The following KCNN2 variants were observed in gnomAD, a reference collection of about 807,000 sequenced individuals.
The protein encoded by KCNN2 is small conductance calcium-activated potassium channel protein 2.
KCNN2 carries 24 observed loss-of-function variants against 55.5 expected under a neutral mutation model. The observed-to-expected ratio is 0.43, with a 90% CI of 0.31 to 0.61. The LOEUF is 0.61. Among genes scored for constraint, KCNN2 ranks in the 20% least tolerant of loss-of-function variants. KCNN2 has a pLI of 0.08. For synonymous variants in KCNN2, 431 were observed against 336.1 expected (o/e 1.28, Z -3.09); for missense variants, 754 against 853.6 (o/e 0.88, Z 1.45).
At chr5:114,168,174 T>TACAC (rs10654082) in intron 1 of KCNN2, among the ~76,000 whole-genome samples, 13,987 of 148,530 alleles carry the variant, frequency 0.094, 653 homozygotes, top group Non-Finnish European at 0.098. Flanking sequence ...TGGATATATA[T>TACAC]ACACACACAC....
chr5:114,288,535 C>CACACACACAT (rs1248194806), intron 2 of KCNN2, among the ~76,000 whole-genome samples: 2 of 150,812 alleles, frequency 1.3e-5, no homozygotes, highest in African/African-American at 4.9e-5. Flanking sequence ...CACACATACA[C>CACACACACAT]ATAGATAATA....
intron 1 of KCNN2, among the ~76,000 whole-genome samples, chr5:114,134,458 G>GATTGATTC (rs1452509272): frequency 7.3e-6 from 1 of 137,364 alleles, no homozygotes; most frequent in Non-Finnish European, 1.5e-5. Flanking sequence ...ATCCAACCAT[G>GATTGATTC]ATTTATTTAT....
At chr5:114,354,523 A>G (rs1435667389) in intron 2 of KCNN2, among the ~76,000 whole-genome samples, 1 of 152,092 alleles carries the variant, frequency 6.6e-6, no homozygotes, top group Non-Finnish European at 1.5e-5. Flanking sequence ...GCCAATACAT[A>G]TGAAGGAGGA....
At chr5:114,272,850 T>A (rs1561549399) in intron 2 of KCNN2, among the ~76,000 whole-genome samples, 2 of 152,148 alleles carry the variant, frequency 1.3e-5, no homozygotes, top group African/African-American at 4.8e-5. Context: ...CTTGTCTCAT[T>A]CTTTCCAACA....
chr5:114,403,275 C>G (rs907674016), intron 2 of KCNN2, among the ~76,000 whole-genome samples: 1 of 152,122 alleles, frequency 6.6e-6, no homozygotes, highest in African/African-American at 2.4e-5. Flanking sequence ...CCGGGTCATT[C>G]AGGGTCAAGT....
upstream of KCNN2, among the ~76,000 whole-genome samples, chr5:114,361,571 G>A (rs1427715708): frequency 2.6e-5 from 4 of 152,200 alleles, no homozygotes. Flanking sequence ...CGTGGGACGA[G>A]GGGGCTGCTG....
intron 2 of KCNN2, among the ~76,000 whole-genome samples, chr5:114,376,247 A>C (rs1757941185): frequency 6.6e-6 from 1 of 152,124 alleles, no homozygotes; most frequent in South Asian, 2.1e-4. Context: ...AAGTAGCCAC[A>C]GAAGGAAAGG....
chr5:114,473,777 A>G (rs1252790137), intron 5 of KCNN2, among the ~76,000 whole-genome samples: 3 of 152,320 alleles, frequency 2.0e-5, no homozygotes, highest in African/African-American at 4.8e-5. Context: ...TGCCATGTGT[A>G]TAAACTCACT....
chr5:114,150,252 A>G (rs371931552), intron 1 of KCNN2, among the ~76,000 whole-genome samples: 1 of 152,288 alleles, frequency 6.6e-6, no homozygotes, highest in South Asian at 2.1e-4. Flanking sequence ...AAACTATACT[A>G]CAAGGCTACA....
chr5:114,206,490 T>C (rs1753778721), intron 1 of KCNN2, among the ~76,000 whole-genome samples: 1 of 152,176 alleles, frequency 6.6e-6, no homozygotes, highest in African/African-American at 2.4e-5. Context: ...TTTTCCTTTA[T>C]TTCTCTTTCT....
At chr5:114,192,205 A>T (rs1753464002) in intron 1 of KCNN2, among the ~76,000 whole-genome samples, 1 of 152,170 alleles carries the variant, frequency 6.6e-6, no homozygotes, top group Admixed American at 6.5e-5. Context: ...AATGATACTC[A>T]CATTCCGTGT....
intron 1 of KCNN2, among the ~76,000 whole-genome samples, chr5:114,098,179 C>G (rs79881699): frequency 0.01 from 1,596 of 152,142 alleles, 39 homozygotes; most frequent in African/African-American, 0.037. Flanking sequence ...TTTTAAGGAC[C>G]CTTGTGATTT....
At chr5:114,282,996 T>C (rs1310889681) in intron 2 of KCNN2, among the ~76,000 whole-genome samples, 1 of 152,194 alleles carries the variant, frequency 6.6e-6, no homozygotes, top group Non-Finnish European at 1.5e-5. Context: ...GATTTTGTTA[T>C]TGTCTTTTCT....
At chr5:114,122,567 T>C (rs1049300378) in intron 1 of KCNN2, among the ~76,000 whole-genome samples, 8 of 152,206 alleles carry the variant, frequency 5.3e-5, no homozygotes, top group Admixed American at 1.3e-4. Flanking sequence ...TTGCCAAGTG[T>C]CCTTCACTCC....
At chr5:114,319,892 T>C (rs1756579839) in intron 2 of KCNN2, among the ~76,000 whole-genome samples, 1 of 152,220 alleles carries the variant, frequency 6.6e-6, no homozygotes, top group Admixed American at 6.5e-5. Context: ...ACAGAAACTC[T>C]CCATTTTCTT....
chr5:114,478,030 A>C (rs72801867), intron 5 of KCNN2, among the ~76,000 whole-genome samples: 1 of 152,134 alleles, frequency 6.6e-6, no homozygotes, highest in Non-Finnish European at 1.5e-5. Flanking sequence ...TCACTTGGCT[A>C]TGCCCTGTTC....
At chr5:114,285,911 G>A (rs1755735890) in intron 2 of KCNN2, among the ~76,000 whole-genome samples, 1 of 109,600 alleles carries the variant, frequency 9.1e-6, no homozygotes, top group Non-Finnish European at 1.8e-5. Flanking sequence ...CCTACAATTT[G>A]GGAAGCTTTT....
At chr5:114,290,457 G>A (rs1388031979) in intron 2 of KCNN2, among the ~76,000 whole-genome samples, 1 of 151,910 alleles carries the variant, frequency 6.6e-6, no homozygotes, top group Non-Finnish European at 1.5e-5. Flanking sequence ...TTTCATTTCT[G>A]AATTTAGTTA....
chr5:114,188,001 A>T (rs1753375099), intron 1 of KCNN2, among the ~76,000 whole-genome samples: 1 of 150,676 alleles, frequency 6.6e-6, no homozygotes, highest in Non-Finnish European at 1.5e-5. Flanking sequence ...TTTAGTAGAG[A>T]TGGGTTTCTC....
Sources: gnomAD v4.1 joint callset for allele counts (sites outside exome capture counted in the v4.1 genomes callset) on GRCh38, gnomAD v4.1.1 for gene constraint, MANE v1.5 for transcripts, NCBI Gene and HGNC (gene_info 2026-07-23, HGNC 2026-07-21) for gene names.